Variants in CDKAL1 observed in about 807,000 individuals in gnomAD.
CDKAL1 encodes threonylcarbamoyladenosine tRNA methylthiotransferase.
CDKAL1 carries 32 observed loss-of-function variants against 68.2 expected under a neutral mutation model. The observed-to-expected ratio is 0.47, with a 90% CI of 0.35 to 0.63. CDKAL1 has a LOEUF of 0.63. CDKAL1 is among the 30% of genes least tolerant of loss of function. CDKAL1 has a pLI of 0.00. For synonymous variants in CDKAL1, 234 were observed against 244.3 expected, an observed-to-expected ratio of 0.96 and a Z score of 0.39; for missense variants, 606 against 696.7, an observed-to-expected ratio of 0.87 and a Z score of 1.47.
chr6:20,879,551 A>G (rs1760709773), intron 9 of CDKAL1, among the ~76,000 whole-genome samples: 2 of 152,174 alleles, frequency 1.3e-5, no homozygotes, highest in Admixed American at 6.5e-5. Flanking sequence ...CAGGAAGCAA[A>G]TATGTGTTGT....
chr6:21,094,118 C>T (rs746422026), intron 12 of CDKAL1, among the ~76,000 whole-genome samples: 1 of 151,940 alleles, frequency 6.6e-6, no homozygotes, highest in Non-Finnish European at 1.5e-5. Flanking sequence ...TGGGTAAAAT[C>T]TGAATAGCAT....
intron 13 of CDKAL1, among the ~76,000 whole-genome samples, chr6:21,163,620 G>A (rs1200671574): frequency 6.6e-6 from 1 of 152,212 alleles, no homozygotes; most frequent in African/African-American, 2.4e-5. Context: ...GGCATGTGGT[G>A]TTGAGTCATA....
chr6:20,962,356 C>T (rs890913247), intron 10 of CDKAL1, among the ~76,000 whole-genome samples: 3 of 152,026 alleles, frequency 2.0e-5, no homozygotes, highest in African/African-American at 7.2e-5. Context: ...TTTTAATCAC[C>T]GTAACAAATC....
At position 20,739,551 on chromosome 6, in the gene CDKAL1, T is replaced by C; in HGVS notation, c.404T>C (p.Leu135Pro). The stretch of plus-strand genomic sequence containing the variant: ...CAAGAGGAGAACAAGAAAATCGTAC[T>C]GGCTGGATGCGTTCCTCAAGCCCAG... Reference protein sequence around the residue: ...KAQEENKKIVLAGCVPQAQPR... With the variant: ...KAQEENKKIVPAGCVPQAQPR... Residue 135 changes from leucine (L) to proline (P), a missense_variant, in exon 6 of 16, where the codon CTG (leucine) becomes CCG (proline). Coordinates refer to ENST00000274695, the MANE Select transcript of CDKAL1 (RefSeq NM_017774.3). 1 of 1,612,858 alleles carries C rather than the reference T, an allele frequency of 6.2e-7. No individual in the cohort carries two copies. The highest frequency in any genetic ancestry group is 8.5e-7 in the Non-Finnish European group (1 of 1,179,324).
At chr6:20,813,289 TC>T (rs1207762631) in intron 8 of CDKAL1, among the ~76,000 whole-genome samples, 3 of 152,204 alleles carry the variant, frequency 2.0e-5, no homozygotes, top group Non-Finnish European at 4.4e-5. Context: ...AAATCTTTTG[TC>T]CTTTTTTATT....
intron 5 of CDKAL1, among the ~76,000 whole-genome samples, chr6:20,708,213 A>G (rs1771688027): frequency 6.6e-6 from 1 of 152,186 alleles, no homozygotes; most frequent in South Asian, 2.1e-4. Flanking sequence ...CAAGTCATTT[A>G]ATTTACTTGT....
intron 9 of CDKAL1, among the ~76,000 whole-genome samples, chr6:20,882,356 C>T (rs372223681): frequency 1.7e-4 from 26 of 152,330 alleles, no homozygotes; most frequent in African/African-American, 5.5e-4. Flanking sequence ...CACTCTTTAT[C>T]AAACCTAGCA....
At chr6:20,988,910 G>A (rs1012810030) in intron 10 of CDKAL1, among the ~76,000 whole-genome samples, 8 of 150,096 alleles carry the variant, frequency 5.3e-5, no homozygotes, top group Non-Finnish European at 8.9e-5. Context: ...CATCTGCCTC[G>A]GCCTCCCAAA....
At chr6:20,991,969 A>G (rs972242009) in intron 10 of CDKAL1, among the ~76,000 whole-genome samples, 2 of 148,322 alleles carry the variant, frequency 1.3e-5, no homozygotes, top group Non-Finnish European at 3.0e-5. Flanking sequence ...CATTCTCTTC[A>G]TTTTAAGAGA....
At chr6:21,152,349 C>T (rs971102764) in intron 13 of CDKAL1, among the ~76,000 whole-genome samples, 10 of 152,208 alleles carry the variant, frequency 6.6e-5, no homozygotes, top group African/African-American at 2.4e-4. Context: ...GCTGTCTTCT[C>T]TAATTACCAT....
intron 13 of CDKAL1, among the ~76,000 whole-genome samples, chr6:21,137,328 A>G (rs1419977131): frequency 6.6e-6 from 1 of 152,230 alleles, no homozygotes; most frequent in Non-Finnish European, 1.5e-5. Flanking sequence ...ATTAACCTGT[A>G]TATTACTAGT....
intron 8 of CDKAL1, among the ~76,000 whole-genome samples, chr6:20,786,501 T>G: frequency 7.3e-6 from 1 of 136,842 alleles, no homozygotes; most frequent in African/African-American, 2.7e-5. Flanking sequence ...TATCTTTTTT[T>G]TTTTTTTTTT....
At chr6:20,853,891 G>A (rs903464296) in intron 9 of CDKAL1, among the ~76,000 whole-genome samples, 1 of 152,142 alleles carries the variant, frequency 6.6e-6, no homozygotes, top group Non-Finnish European at 1.5e-5. Flanking sequence ...GGCCATATGG[G>A]GAAGGTGGAG....
At chr6:20,589,360 A>T (rs1391405337) in intron 4 of CDKAL1, among the ~76,000 whole-genome samples, 1 of 152,224 alleles carries the variant, frequency 6.6e-6, no homozygotes, top group East Asian at 1.9e-4. Flanking sequence ...CATTACACAC[A>T]CATGTTCTGC....
intron 12 of CDKAL1, among the ~76,000 whole-genome samples, chr6:21,096,912 A>T (rs2150978365): frequency 6.6e-6 from 1 of 152,364 alleles, no homozygotes; most frequent in South Asian, 2.1e-4. Flanking sequence ...TAGCAGTGTG[A>T]GAATAGTTAT....
At chr6:20,932,293 G>A (rs1763497433) in intron 9 of CDKAL1, among the ~76,000 whole-genome samples, 1 of 152,010 alleles carries the variant, frequency 6.6e-6, no homozygotes, top group African/African-American at 2.4e-5. Context: ...TGAACCCACC[G>A]AGTGTTTCTC....
At chr6:20,543,958 G>A (rs1440193016) in intron 2 of CDKAL1, among the ~76,000 whole-genome samples, 1 of 151,710 alleles carries the variant, frequency 6.6e-6, no homozygotes, top group Non-Finnish European at 1.5e-5. Flanking sequence ...GGCTGTTCTT[G>A]AACTCCTGAC....
At chr6:20,744,426 A>G (rs149155290) in intron 6 of CDKAL1, among the ~76,000 whole-genome samples, 1 of 152,266 alleles carries the variant, frequency 6.6e-6, no homozygotes, top group East Asian at 1.9e-4. Context: ...TTCCTTGCAC[A>G]GTACTATGCA....
rs141820191 is a variant in CDKAL1, at chr6:20,733,479, C to T, written c.372-6040C>T. On this transcript the variant is annotated intron_variant, in intron 5 of 15. Transcript: ENST00000274695. ...CTTTATTCCAGTGCACCATGACACC[C>T]GGCTATTTGAAGCCTTTAGTGTAAA... 3.8e-3 allele frequency among the ~76,000 whole-genome samples: 582 copies of T among 152,242 alleles called. 5 individuals are homozygous for T. The highest frequency in any genetic ancestry group is 0.012 in the African/African-American group (485 of 41,536).
Sources: allele counts gnomAD v4.1 joint callset (sites outside exome capture counted in the v4.1 genomes callset), GRCh38; gene constraint gnomAD v4.1.1; transcripts MANE v1.5; gene names NCBI Gene and HGNC (gene_info 2026-07-23, HGNC 2026-07-21).